Variants in PCDHA5 observed in about 807,000 individuals in gnomAD.
PCDHA5 encodes protocadherin alpha-5.
PCDHA5 carries 43 observed loss-of-function variants against 61.6 expected under a neutral mutation model. That is an observed-to-expected ratio of 0.70 (90% CI 0.55 to 0.90). PCDHA5 has a LOEUF of 0.90. PCDHA5 is among the 40% of genes least tolerant of loss of function. The probability of loss-of-function intolerance (pLI) is 0.00; values close to 1 mark genes in which losing one functional copy is unlikely to be tolerated. For missense variants in PCDHA5, 1,298 were observed against 1,222.7 expected (o/e 1.06, Z -0.92); for synonymous variants, 627 against 543.9 (o/e 1.15, Z -2.13).
chr5:140,871,290 C>A (rs1554165387), intron 1 of PCDHA5: 2 of 1,613,900 alleles, frequency 1.2e-6, no homozygotes, highest in Non-Finnish European at 1.7e-6. Context: ...CCACTGAGGG[C>A]GCGTGCGCGC....
chr5:140,880,743 T>C (rs976006299), intron 1 of PCDHA5, among the ~76,000 whole-genome samples: 7 of 152,212 alleles, frequency 4.6e-5, no homozygotes, highest in African/African-American at 1.7e-4. Flanking sequence ...AAATGGATTG[T>C]CAGTGTAACT....
chr5:140,969,343 G>A (rs2096321775), intron 1 of PCDHA5: 23 of 1,613,728 alleles, frequency 1.4e-5, no homozygotes, highest in Non-Finnish European at 1.9e-5. Flanking sequence ...TGAGACAGTG[G>A]TCAGGGGGTC....
chr5:140,829,254 C>T (rs1770187328), intron 1 of PCDHA5: 1 of 1,614,260 alleles, frequency 6.2e-7, no homozygotes, highest in East Asian at 2.2e-5. Flanking sequence ...GTGAACTGCT[C>T]GCTGACGCCT....
rs2043307910 is a variant in PCDHA5, at chr5:140,855,009, A to C, written c.2352+30882A>C. Among the ~76,000 whole-genome samples the C allele has an allele frequency of 1.3e-5, 2 of 149,938 alleles. 1 individual carries two copies. Among genetic ancestry groups the C allele is most frequent in the Admixed American group, 1.3e-4 (2 of 14,922 alleles). ...CTTTTTGCCCGTGTAAGATATTATA[A>C]AATGAAACTTCTTGTATAAAGGATT... On this transcript the variant is annotated intron_variant, in intron 1 of 3. Coordinates refer to ENST00000529859, the MANE Select transcript of PCDHA5 (RefSeq NM_018908.3).
At chr5:140,981,824 C>T (rs1350256595) in intron 2 of PCDHA5, among the ~76,000 whole-genome samples, 4 of 152,108 alleles carry the variant, frequency 2.6e-5, no homozygotes, top group African/African-American at 7.2e-5. Flanking sequence ...CTCTGCTTGC[C>T]TCTAAAGGTC....
intron 1 of PCDHA5, chr5:140,857,210 C>T (rs2044424463): frequency 1.3e-6 from 2 of 1,598,628 alleles, no homozygotes; most frequent in East Asian, 4.5e-5. Flanking sequence ...CACCTGCTCT[C>T]TGACGCCTCA....
intron 1 of PCDHA5, chr5:140,884,006 C>T (rs369069323): frequency 1.2e-6 from 2 of 1,612,906 alleles, no homozygotes; most frequent in African/African-American, 2.7e-5. Context: ...AGTGAGCGAG[C>T]TGATGCCGCG....
chr5:140,967,903 A>G, intron 1 of PCDHA5: 1 of 1,614,112 alleles, frequency 6.2e-7, no homozygotes, highest in African/African-American at 1.3e-5. Context: ...AGAATGCTAC[A>G]CCCAACACCA....
chr5:140,885,430 A>T (rs1216159578), intron 1 of PCDHA5, among the ~76,000 whole-genome samples: 2 of 152,132 alleles, frequency 1.3e-5, no homozygotes, highest in African/African-American at 4.8e-5. Context: ...CCACAGTGTA[A>T]GTGTGCAATT....
chr5:140,864,892 A>G (rs1240811455), intron 1 of PCDHA5: 4 of 152,184 alleles, frequency 2.6e-5, no homozygotes, highest in African/African-American at 4.8e-5. Flanking sequence ...ATTAAGCTGC[A>G]TGGTCTTCAG....
chr5:140,950,694 T>C (rs1361506103), intron 1 of PCDHA5, among the ~76,000 whole-genome samples: 4 of 152,104 alleles, frequency 2.6e-5, no homozygotes, highest in African/African-American at 9.7e-5. Flanking sequence ...TAACCAAATT[T>C]GACAAATTTT....
chr5:140,976,449 G>T (rs1554237649), intron 1 of PCDHA5, among the ~76,000 whole-genome samples: 1 of 152,136 alleles, frequency 6.6e-6, no homozygotes, highest in Non-Finnish European at 1.5e-5. Flanking sequence ...TACTAGGGAG[G>T]CTGGGGAAGA....
At chr5:140,951,948 A>G (rs2153694438) in intron 1 of PCDHA5, among the ~76,000 whole-genome samples, 1 of 152,322 alleles carries the variant, frequency 6.6e-6, no homozygotes, top group South Asian at 2.1e-4. Context: ...GTGCGGGTAC[A>G]GGCATTGGGT....
At chr5:140,905,944 A>G (rs2072219566) in intron 1 of PCDHA5, among the ~76,000 whole-genome samples, 3 of 152,216 alleles carry the variant, frequency 2.0e-5, no homozygotes, top group Non-Finnish European at 4.4e-5. Flanking sequence ...AGAACTTGGA[A>G]TCCGATGTTC....
chr5:141,003,240 C>T (rs1563674729), intron 3 of PCDHA5, among the ~76,000 whole-genome samples: 2 of 152,150 alleles, frequency 1.3e-5, no homozygotes, highest in South Asian at 4.1e-4. Context: ...GAAATTTTGC[C>T]AAAAAGATTC....
intron 1 of PCDHA5, chr5:140,853,701 C>T: frequency 1.0e-6 from 1 of 987,936 alleles, no homozygotes; most frequent in Non-Finnish European, 1.2e-6. Context: ...CCTGCTAACG[C>T]ATTAGCATTA....
At chr5:141,000,421 A>ATTTTTTTTT (rs34755515) in intron 3 of PCDHA5, among the ~76,000 whole-genome samples, 3 of 27,980 alleles carry the variant, frequency 1.1e-4, no homozygotes, top group African/African-American at 1.8e-4. Flanking sequence ...ATATATATAT[A>ATTTTTTTTT]TTTTTTTTTT....
At chr5:140,954,299 C>T (rs964431670) in intron 1 of PCDHA5, among the ~76,000 whole-genome samples, 2 of 152,166 alleles carry the variant, frequency 1.3e-5, no homozygotes, top group Non-Finnish European at 2.9e-5. Context: ...GGTACATACC[C>T]AGTAATGGGA....
At chr5:141,006,050 G>A (rs1554260524) in intron 3 of PCDHA5, among the ~76,000 whole-genome samples, 1 of 151,092 alleles carries the variant, frequency 6.6e-6, no homozygotes, top group African/African-American at 2.4e-5. Flanking sequence ...GTAGATGAGA[G>A]TGGAGAAGAA....
Sources: gnomAD v4.1 joint callset for allele counts (sites outside exome capture counted in the v4.1 genomes callset) on GRCh38, gnomAD v4.1.1 for gene constraint, MANE v1.5 for transcripts, NCBI Gene and HGNC (gene_info 2026-07-23, HGNC 2026-07-21) for gene names.